The following MALRD1 variants were observed in gnomAD, a reference collection of about 807,000 sequenced individuals.
MALRD1 encodes MAM and LDL receptor class A domain containing 1.
In MALRD1, 247 loss-of-function variants were observed where a neutral mutation model predicts 242.1. The ratio of observed to expected loss-of-function variants is 1.02; its 90% confidence interval spans 0.92 to 1.13. MALRD1 has a LOEUF of 1.13. Ranked by LOEUF, MALRD1 falls within the 50% of genes most tolerant of loss-of-function variation. The pLI is 0.00. For synonymous variants in MALRD1, 995 were observed against 866.6 expected, an observed-to-expected ratio of 1.15 and a Z score of -2.60; for missense variants, 2,989 against 2,533.1, an observed-to-expected ratio of 1.18 and a Z score of -3.86.
chr10:19,128,461 G>A (rs969095909), intron 8 of MALRD1, 74 bp downstream of exon 8: 9 of 1,029,074 alleles, frequency 8.7e-6, no homozygotes, highest in African/African-American at 5.0e-5. Flanking sequence ...CTTGTGTTTC[G>A]ATTTCTCAGT....
intron 29 of MALRD1, among the ~76,000 whole-genome samples, chr10:19,470,070 A>G (rs1836420444): frequency 6.6e-6 from 1 of 152,026 alleles, no homozygotes; most frequent in Admixed American, 6.6e-5. Flanking sequence ...TATCTTGCAT[A>G]ACTGAACCTT....
chr10:19,456,248 TA>T (rs1190284986), intron 29 of MALRD1, among the ~76,000 whole-genome samples: 2 of 152,132 alleles, frequency 1.3e-5, no homozygotes, highest in African/African-American at 2.4e-5. Context: ...GAGGGTAAAA[TA>T]AAAGAAGCTG....
chr10:19,130,287 T>A lies in MALRD1; in HGVS notation c.1110+1900T>A, dbSNP rs370673315. Among the ~76,000 whole-genome samples, 388 of 152,248 alleles carry A rather than the reference T, an allele frequency of 2.5e-3. 3 individuals are homozygous for A. The highest frequency in any genetic ancestry group is 0.019 in the South Asian group (93 of 4,828). ...ACTGTATCCACGTATGTTCCACCAT[T>A]CATGCCTCAATATTTCAGTTGCTGT... On this transcript the variant is annotated intron_variant, in intron 8 of 39. Coordinates refer to ENST00000454679, the MANE Select transcript of MALRD1 (RefSeq NM_001142308.3).
intron 36 of MALRD1, among the ~76,000 whole-genome samples, chr10:19,688,172 GTTGGCCAGGCTGGTC>G (rs1057073989): frequency 6.6e-6 from 1 of 152,128 alleles, no homozygotes; most frequent in African/African-American, 2.4e-5. Flanking sequence ...GTTTTGCCAT[GTTGGCCAGGCTGGTC>G]TTGGAACTTC....
intron 32 of MALRD1, among the ~76,000 whole-genome samples, chr10:19,550,028 T>A (rs1354396861): frequency 1.3e-5 from 2 of 152,164 alleles, no homozygotes; most frequent in Non-Finnish European, 1.5e-5. Context: ...AAGTATTTCA[T>A]ATATATAAAC....
chr10:19,238,730 G>T, intron 18 of MALRD1, among the ~76,000 whole-genome samples: 1 of 148,882 alleles, frequency 6.7e-6, no homozygotes, highest in Non-Finnish European at 1.5e-5. Flanking sequence ...CCCAGTAGTG[G>T]GATTGCTGGG....
chr10:19,545,068 G>A (rs1435639343), intron 32 of MALRD1, among the ~76,000 whole-genome samples: 1 of 152,192 alleles, frequency 6.6e-6, no homozygotes, highest in East Asian at 1.9e-4. Flanking sequence ...GTGTCAGCAG[G>A]TGTGGGTTCT....
chr10:19,444,111 T>G (rs922012273), intron 28 of MALRD1, among the ~76,000 whole-genome samples: 2 of 152,228 alleles, frequency 1.3e-5, no homozygotes, highest in Admixed American at 1.3e-4. Context: ...TTCTGTTTTA[T>G]CAGAGACTAG....
chr10:19,700,053 C>CAT (rs993333935), intron 38 of MALRD1, among the ~76,000 whole-genome samples: 15 of 151,938 alleles, frequency 9.9e-5, no homozygotes, highest in African/African-American at 3.6e-4. Context: ...CACACACACA[C>CAT]ACACACACGA....
intron 36 of MALRD1, among the ~76,000 whole-genome samples, chr10:19,667,763 A>T (rs1277955726): frequency 2.0e-5 from 3 of 152,164 alleles, no homozygotes; most frequent in Non-Finnish European, 4.4e-5. Context: ...CAAAACTGTG[A>T]GCCAATCAAA....
intron 11 of MALRD1, among the ~76,000 whole-genome samples, chr10:19,153,731 G>A (rs1243863407): frequency 6.6e-6 from 1 of 151,508 alleles, no homozygotes; most frequent in Non-Finnish European, 1.5e-5. Flanking sequence ...TAACTCAGAT[G>A]TGGGACCGTA....
chr10:19,672,746 A>T (rs1465998239), intron 36 of MALRD1, among the ~76,000 whole-genome samples: 2 of 152,040 alleles, frequency 1.3e-5, no homozygotes, highest in African/African-American at 2.4e-5. Flanking sequence ...TTTGAAACCT[A>T]TCAGTTAGCC....
intron 18 of MALRD1, among the ~76,000 whole-genome samples, chr10:19,230,042 T>C (rs1034471678): frequency 6.6e-6 from 1 of 152,164 alleles, no homozygotes; most frequent in Non-Finnish European, 1.5e-5. Flanking sequence ...CTGATGGTTT[T>C]ATAAGGCGAA....
intron 33 of MALRD1, among the ~76,000 whole-genome samples, chr10:19,586,888 C>T (rs1425904031): frequency 6.6e-6 from 1 of 152,232 alleles, no homozygotes; most frequent in East Asian, 1.9e-4. Flanking sequence ...ACTCCGTGGG[C>T]CTAGGACACT....
chr10:19,595,631 T>C (rs1161757636), intron 34 of MALRD1, among the ~76,000 whole-genome samples, 174 bp downstream of exon 34: 1 of 152,192 alleles, frequency 6.6e-6, no homozygotes, highest in Non-Finnish European at 1.5e-5. Flanking sequence ...GCTTAGTGTT[T>C]CCAGCAACAC....
At chr10:19,171,447 T>C (rs60065192) in intron 13 of MALRD1, among the ~76,000 whole-genome samples, 27 of 111,336 alleles carry the variant, frequency 2.4e-4, no homozygotes, top group Non-Finnish European at 4.6e-4. Context: ...TATATATATA[T>C]ATATATATAT....
At chr10:19,159,988 G>C (rs1054355066) in intron 12 of MALRD1, among the ~76,000 whole-genome samples, 8 of 152,010 alleles carry the variant, frequency 5.3e-5, no homozygotes, top group Admixed American at 3.3e-4. Flanking sequence ...TATTCAAAAA[G>C]AACTGTTTGT....
chr10:19,386,702 A>G (rs1846091022), intron 26 of MALRD1, among the ~76,000 whole-genome samples: 1 of 125,370 alleles, frequency 8.0e-6, no homozygotes, highest in South Asian at 2.5e-4. Flanking sequence ...ATATATACAC[A>G]CACAAATACA....
chr10:19,204,818 A>G, intron 16 of MALRD1, 80 bp from the exon 17 acceptor site: 1 of 1,366,388 alleles, frequency 7.3e-7, no homozygotes. Context: ...TTGACTGTTG[A>G]CTGAGTAGAA....
Sources: gnomAD v4.1 joint callset for allele counts (sites outside exome capture counted in the v4.1 genomes callset) on GRCh38, gnomAD v4.1.1 for gene constraint, MANE v1.5 for transcripts, NCBI Gene and HGNC (gene_info 2026-07-23, HGNC 2026-07-21) for gene names.